CCSER1: variants seen among roughly 807,000 people sequenced by gnomAD.
CCSER1 encodes serine-rich coiled-coil domain-containing protein 1.
CCSER1 carries 41 observed loss-of-function variants against 82.0 expected under a neutral mutation model. The ratio of observed to expected loss-of-function variants is 0.50; its 90% CI spans 0.39 to 0.65. CCSER1 has a LOEUF of 0.65. Among genes scored for constraint, CCSER1 ranks in the 30% least tolerant of loss-of-function variants. CCSER1 has a pLI of 0.00. For missense variants in CCSER1, 1,119 were observed against 1,064.2 expected (o/e 1.05, Z -0.72); for synonymous variants, 414 against 383.9 (o/e 1.08, Z -0.92).
chr4:91,182,305 C>T (rs970914249), intron 10 of CCSER1, among the ~76,000 whole-genome samples: 3 of 152,174 alleles, frequency 2.0e-5, no homozygotes, highest in African/African-American at 7.2e-5. Context: ...ATCTCTACCC[C>T]AAGTTATTAT....
At chr4:90,704,781 G>A (rs761255378) in intron 6 of CCSER1, among the ~76,000 whole-genome samples, 112 of 152,244 alleles carry the variant, frequency 7.4e-4, no homozygotes, top group Non-Finnish European at 4.4e-4. Context: ...ACTGAAGCTT[G>A]TGCATTTGTC....
At chr4:90,144,026 T>C (rs1225119684) in intron 1 of CCSER1, among the ~76,000 whole-genome samples, 1 of 152,206 alleles carries the variant, frequency 6.6e-6, no homozygotes, top group Non-Finnish European at 1.5e-5. Context: ...TCCTGGTCTG[T>C]ATTCCCATTA....
At chr4:90,634,024 T>G (rs1010158133) in intron 6 of CCSER1, among the ~76,000 whole-genome samples, 4 of 151,754 alleles carry the variant, frequency 2.6e-5, no homozygotes, top group Non-Finnish European at 5.9e-5. Context: ...GGAAGAGAAC[T>G]CTATCATTTT....
intron 3 of CCSER1, among the ~76,000 whole-genome samples, chr4:90,376,863 G>A (rs941003503): frequency 6.6e-6 from 1 of 152,086 alleles, no homozygotes; most frequent in Non-Finnish European, 1.5e-5. Flanking sequence ...TATTTTTAAG[G>A]ATATTTGTAC....
At chr4:90,673,173 T>A (rs933408400) in intron 6 of CCSER1, among the ~76,000 whole-genome samples, 4 of 151,756 alleles carry the variant, frequency 2.6e-5, no homozygotes, top group African/African-American at 4.8e-5. Flanking sequence ...GTGATGCAAA[T>A]AAAATGAGGT....
At chr4:90,839,895 A>C (rs55821522) in intron 8 of CCSER1, among the ~76,000 whole-genome samples, 4,864 of 152,236 alleles carry the variant, frequency 0.032, 264 homozygotes, top group African/African-American at 0.11. Context: ...TGAATTGTAT[A>C]TTTATTCTCT....
At chr4:90,463,202 T>A (rs1355270934) in intron 4 of CCSER1, among the ~76,000 whole-genome samples, 2 of 152,222 alleles carry the variant, frequency 1.3e-5, no homozygotes, top group Admixed American at 1.3e-4. Context: ...TGCTTGACGT[T>A]TTCACAGTTT....
At chr4:90,876,887 A>G (rs7696847) in intron 8 of CCSER1, among the ~76,000 whole-genome samples, 1 of 151,884 alleles carries the variant, frequency 6.6e-6, no homozygotes, top group African/African-American at 2.4e-5. Flanking sequence ...GTTATGGAAT[A>G]CTTTTTGTCT....
At chr4:90,595,777 C>T (rs1783257204) in intron 5 of CCSER1, among the ~76,000 whole-genome samples, 1 of 151,816 alleles carries the variant, frequency 6.6e-6, no homozygotes, top group African/African-American at 2.4e-5. Flanking sequence ...TAAACTGAAA[C>T]ATTCATTTTC....
intron 5 of CCSER1, among the ~76,000 whole-genome samples, chr4:90,471,617 A>G (rs1359541958): frequency 1.3e-5 from 2 of 151,912 alleles, no homozygotes; most frequent in Non-Finnish European, 2.9e-5. Context: ...CTGTTTATAA[A>G]TGGTGTTACT....
chr4:91,411,163 A>C (rs1360541113), intron 10 of CCSER1, among the ~76,000 whole-genome samples: 2 of 151,800 alleles, frequency 1.3e-5, no homozygotes, highest in African/African-American at 4.8e-5. Flanking sequence ...TCCTCTCATA[A>C]TATTTTGACA....
rs78074248 is a variant in CCSER1 at position 91,406,128 on chromosome 4, A to G, written c.2218-192444A>G. Among the ~76,000 whole-genome samples the G allele has an allele frequency of 3.0e-3, 458 of 152,286 alleles. 1 individual carries two copies. The highest frequency in any genetic ancestry group is 0.01 in the African/African-American group (431 of 41,558). ...GAAATTTGTTAACTTGTAACATGAA[A>G]TTGCATAATAAGAGTCAAGACCCAT... On this transcript the variant is annotated intron_variant, in intron 10 of 10. Coordinates refer to ENST00000509176, the MANE Select transcript of CCSER1 (RefSeq NM_001145065.2).
intron 9 of CCSER1, among the ~76,000 whole-genome samples, chr4:90,927,197 A>C (rs976995764): frequency 6.6e-6 from 1 of 151,954 alleles, no homozygotes; most frequent in Non-Finnish European, 1.5e-5. Flanking sequence ...TTTAAGTTCA[A>C]GTTTTCTTTT....
intron 7 of CCSER1, among the ~76,000 whole-genome samples, chr4:90,795,428 T>C (rs1237335262): frequency 6.6e-6 from 1 of 152,252 alleles, no homozygotes; most frequent in Non-Finnish European, 1.5e-5. Flanking sequence ...TATAGGATCA[T>C]GCTTTCTGCA....
At chr4:91,514,486 T>G (rs548207751) in intron 10 of CCSER1, among the ~76,000 whole-genome samples, 28 of 152,214 alleles carry the variant, frequency 1.8e-4, no homozygotes, top group Admixed American at 7.2e-4. Flanking sequence ...GTGGCATATT[T>G]AAGTGCATAA....
chr4:90,575,791 G>A (rs995490527), intron 5 of CCSER1, among the ~76,000 whole-genome samples: 2 of 152,070 alleles, frequency 1.3e-5, no homozygotes, highest in Non-Finnish European at 2.9e-5. Context: ...TGTTTTGGCA[G>A]AAAATATTTT....
chr4:90,436,881 ACTGCAAGCTCTTC>A, intron 4 of CCSER1, among the ~76,000 whole-genome samples: 1 of 150,480 alleles, frequency 6.6e-6, no homozygotes, highest in Middle Eastern at 3.5e-3. Flanking sequence ...ATCTCAGCTC[ACTGCAAGCTCTTC>A]CTCCCGGGTT....
chr4:90,721,367 T>TA (rs35957568), intron 6 of CCSER1, among the ~76,000 whole-genome samples: 30,938 of 151,048 alleles, frequency 0.2, 3,489 homozygotes, highest in Middle Eastern at 0.27. Context: ...TCCAATGGAT[T>TA]AAAAAAAAAT....
chr4:91,405,091 CATATAT>C (rs976129878), intron 10 of CCSER1, among the ~76,000 whole-genome samples: 6 of 152,114 alleles, frequency 3.9e-5, no homozygotes, highest in Non-Finnish European at 7.4e-5. Context: ...GTATTGTGTG[CATATAT>C]ATTTAGGATA....
Sources: gnomAD v4.1 joint callset for allele counts (sites outside exome capture counted in the v4.1 genomes callset) on GRCh38, gnomAD v4.1.1 for gene constraint, MANE v1.5 for transcripts, NCBI Gene and HGNC (gene_info 2026-07-23, HGNC 2026-07-21) for gene names.